C1QTNF7: variants seen among roughly 807,000 people sequenced by gnomAD.
C1QTNF7 encodes the protein C1q and TNF related 7.
C1QTNF7 carries 15 observed loss-of-function variants against 19.6 expected under a neutral mutation model. The ratio of observed to expected loss-of-function variants is 0.76; its 90% CI spans 0.51 to 1.18. C1QTNF7 has a LOEUF of 1.18. Ranked by LOEUF, C1QTNF7 falls within the 50% of genes most tolerant of loss-of-function variation. C1QTNF7 has a pLI of 0.00. For missense variants in C1QTNF7, 324 were observed against 359.7 expected, an observed-to-expected ratio of 0.90 and a Z score of 0.80; for synonymous variants, 142 against 137.5, an observed-to-expected ratio of 1.03 and a Z score of -0.23.
At chr4:15,397,746 A>T (rs1390172106) in intron 1 of C1QTNF7, among the ~76,000 whole-genome samples, 1 of 152,222 alleles carries the variant, frequency 6.6e-6, no homozygotes, top group African/African-American at 2.4e-5. Context: ...AAAGAGCAAC[A>T]TTCTATGCAC....
chr4:15,398,222 A>G (rs1227717148), intron 1 of C1QTNF7, among the ~76,000 whole-genome samples: 1 of 152,164 alleles, frequency 6.6e-6, no homozygotes, highest in East Asian at 1.9e-4. Flanking sequence ...GATGACAGCA[A>G]TTTTATTCTT....
chr4:15,353,177 C>T (rs1461274415), intron 1 of C1QTNF7, among the ~76,000 whole-genome samples: 1 of 152,156 alleles, frequency 6.6e-6, no homozygotes, highest in Non-Finnish European at 1.5e-5. Flanking sequence ...GGTCTCAAAT[C>T]TTGGAAATTG....
At chr4:15,385,901 T>C (rs888096183) in intron 1 of C1QTNF7, among the ~76,000 whole-genome samples, 1 of 152,216 alleles carries the variant, frequency 6.6e-6, no homozygotes, top group Non-Finnish European at 1.5e-5. Context: ...TAGATTACTC[T>C]GTTTGAAGAC....
At chr4:15,438,932 T>G (rs1023951891) in intron 2 of C1QTNF7, among the ~76,000 whole-genome samples, 1 of 152,130 alleles carries the variant, frequency 6.6e-6, no homozygotes, top group Admixed American at 6.5e-5. Flanking sequence ...GATCCACGGA[T>G]AGATGGATGG....
At chr4:15,396,314 C>G (rs1379765765) in intron 1 of C1QTNF7, among the ~76,000 whole-genome samples, 6 of 152,154 alleles carry the variant, frequency 3.9e-5, no homozygotes. Context: ...GAGGCTCTGG[C>G]TGTGCCTTCA....
chr4:15,408,977 G>C (rs1023868251), intron 1 of C1QTNF7, among the ~76,000 whole-genome samples: 1 of 152,122 alleles, frequency 6.6e-6, no homozygotes, highest in Non-Finnish European at 1.5e-5. Flanking sequence ...GCAGTATCTT[G>C]GTAGGGCATC....
intron 1 of C1QTNF7, among the ~76,000 whole-genome samples, chr4:15,354,184 C>A (rs1440884034): frequency 6.6e-6 from 1 of 152,094 alleles, no homozygotes; most frequent in Non-Finnish European, 1.5e-5. Context: ...ATGGGAGGAC[C>A]TGCATAAATT....
intron 1 of C1QTNF7, chr4:15,374,659 G>A (rs1717861536): frequency 1.0e-6 from 1 of 985,204 alleles, no homozygotes; most frequent in Admixed American, 6.2e-5. Context: ...AAGCCCCAAA[G>A]AATTATGAAT....
At chr4:15,342,119 G>C (rs1203617817) in intron 1 of C1QTNF7, among the ~76,000 whole-genome samples, 1 of 152,226 alleles carries the variant, frequency 6.6e-6, no homozygotes, top group Non-Finnish European at 1.5e-5. Flanking sequence ...CCCTGGAAAG[G>C]ACAGGTCAGG....
intron 1 of C1QTNF7, among the ~76,000 whole-genome samples, chr4:15,395,699 A>C (rs558096670): frequency 6.6e-6 from 1 of 152,310 alleles, no homozygotes; most frequent in East Asian, 1.9e-4. Context: ...ACACCGAAAA[A>C]ACAGCAGAAA....
chr4:15,436,081 C>A (rs753584812), intron 2 of C1QTNF7, 100 bp downstream of exon 2: 1 of 1,476,934 alleles, frequency 6.8e-7, no homozygotes, highest in Non-Finnish European at 9.1e-7. Flanking sequence ...GCTCCTTAAA[C>A]CCCTTCTGTA....
At chr4:15,424,467 T>A (rs150378526), upstream of C1QTNF7, among the ~76,000 whole-genome samples, 1 of 152,186 alleles carries the variant, frequency 6.6e-6, no homozygotes, top group Non-Finnish European at 1.5e-5. Context: ...AAGGTGTTCC[T>A]TGGTTGATAG....
intron 1 of C1QTNF7, among the ~76,000 whole-genome samples, chr4:15,355,406 T>C (rs940690804): frequency 2.0e-5 from 3 of 152,118 alleles, no homozygotes; most frequent in Non-Finnish European, 2.9e-5. Flanking sequence ...ATATGGATCA[T>C]GTGTTAAACC....
chr4:15,436,045 C>G, intron 2 of C1QTNF7, 64 bp downstream of exon 2: 1 of 1,542,994 alleles, frequency 6.5e-7, no homozygotes, highest in Non-Finnish European at 8.7e-7. Flanking sequence ...GTTCCCCTTT[C>G]TTTGTTACTT....
At chr4:15,388,639 T>C (rs1215413289) in intron 1 of C1QTNF7, among the ~76,000 whole-genome samples, 2 of 152,168 alleles carry the variant, frequency 1.3e-5, no homozygotes, top group Non-Finnish European at 2.9e-5. Flanking sequence ...AGGTCAATGA[T>C]ATGATCATGT....
At chr4:15,361,364 G>A (rs1717336471) in intron 1 of C1QTNF7, 1 of 152,026 alleles carries the variant, frequency 6.6e-6, no homozygotes, top group Admixed American at 6.6e-5. Context: ...TTACTCTGAA[G>A]GCCATACTGT....
At chr4:15,370,001 C>T (rs1717662876) in intron 1 of C1QTNF7, among the ~76,000 whole-genome samples, 1 of 152,112 alleles carries the variant, frequency 6.6e-6, no homozygotes. Flanking sequence ...TTCAACTATA[C>T]TGAACTATGC....
At chr4:15,440,800 G>GT (rs1712729341) in intron 2 of C1QTNF7, among the ~76,000 whole-genome samples, 1 of 152,084 alleles carries the variant, frequency 6.6e-6, no homozygotes, top group South Asian at 2.1e-4. Context: ...TATGGTTATT[G>GT]TAGCATGTTG....
chr4:15,405,758 T>C (rs1249314044), intron 1 of C1QTNF7, among the ~76,000 whole-genome samples: 1 of 152,166 alleles, frequency 6.6e-6, no homozygotes, highest in Non-Finnish European at 1.5e-5. Context: ...GACCTTCCTA[T>C]TGACCTTCAA....
Sources: allele counts gnomAD v4.1 joint callset (sites outside exome capture counted in the v4.1 genomes callset), GRCh38; gene constraint gnomAD v4.1.1; transcripts MANE v1.5; gene names NCBI Gene and HGNC (gene_info 2026-07-23, HGNC 2026-07-21).